Variants in SPOP observed in about 807,000 individuals in gnomAD.
The protein encoded by SPOP is speckle type BTB/POZ protein, also known as speckle-type POZ protein.
SPOP carries 11 observed loss-of-function variants against 45.6 expected under a neutral mutation model. The ratio of observed to expected loss-of-function variants is 0.24; its 90% CI spans 0.15 to 0.40. The LOEUF (loss-of-function observed/expected upper bound fraction) is 0.40, where lower values mean the gene tolerates loss of function less well. Ranked by LOEUF, SPOP falls within the 10% of genes least tolerant of loss-of-function variation. The pLI is 1.00. For synonymous variants in SPOP, 166 were observed against 166.3 expected (o/e 1.00, Z 0.01); for missense variants, 152 against 465.6 (o/e 0.33, Z 6.20).
intron 1 of SPOP, among the ~76,000 whole-genome samples, chr17:49,671,984 C>CA (rs201598109): frequency 0.01 from 1,526 of 152,142 alleles, 9 homozygotes; most frequent in Admixed American, 0.012. Flanking sequence ...ACTAAAAATA[C>CA]AAAAAATTAG....
At chr17:49,606,904 C>T (rs1042112183) in intron 8 of SPOP, among the ~76,000 whole-genome samples, 2 of 152,126 alleles carry the variant, frequency 1.3e-5, no homozygotes, top group Admixed American at 6.5e-5. Context: ...AACTCAAAAA[C>T]ATTTTGTAAA....
In SPOP at chr17:49,614,158, A is replaced by G. The variant is rs2072033641; in HGVS notation, c.481-2701T>C. Among the ~76,000 whole-genome samples the G allele has an allele frequency of 2.0e-5, 3 of 152,266 alleles. No individual in the cohort carries two copies. In the East Asian group the frequency reaches 5.8e-4, roughly 29 times the overall value. On this transcript the variant is annotated intron_variant, in intron 5 of 9. Coordinates refer to ENST00000504102, the MANE Select transcript of SPOP (RefSeq NM_001007228.2). ...GGGAAATACATTTTTTAACTTCTAT[A>G]TAATTAAAACAATCTAGGAAAAACA...
chr17:49,665,642 A>G (rs1472788303), intron 1 of SPOP, among the ~76,000 whole-genome samples: 2 of 124,436 alleles, frequency 1.6e-5, no homozygotes, highest in Non-Finnish European at 3.2e-5. Context: ...GATTATATAT[A>G]TATACAGACA....
intron 1 of SPOP, among the ~76,000 whole-genome samples, chr17:49,634,016 T>TAAA (rs1189334651): frequency 2.7e-4 from 36 of 132,994 alleles, no homozygotes; most frequent in African/African-American, 9.6e-4. Context: ...TCCAGCTGCT[T>TAAA]AAAAAAAAAA....
At chr17:49,651,930 A>C (rs1303052518) in intron 1 of SPOP, among the ~76,000 whole-genome samples, 1 of 152,046 alleles carries the variant, frequency 6.6e-6, no homozygotes, top group East Asian at 1.9e-4. Context: ...GAGGCATGAA[A>C]ATTGCCTGAA....
chr17:49,666,493 A>ACACACC (rs1491137169), intron 1 of SPOP, among the ~76,000 whole-genome samples: 6 of 142,132 alleles, frequency 4.2e-5, no homozygotes, highest in South Asian at 4.7e-4. Context: ...ACACACACAC[A>ACACACC]CCCATATAGG....
chr17:49,669,563 G>A (rs911704786), intron 1 of SPOP, among the ~76,000 whole-genome samples: 1 of 148,146 alleles, frequency 6.8e-6, no homozygotes, highest in Non-Finnish European at 1.5e-5. Flanking sequence ...TCAGGAGATC[G>A]AGACCATCCT....
chr17:49,659,668 C>G (rs941208591), intron 1 of SPOP, among the ~76,000 whole-genome samples: 1 of 152,336 alleles, frequency 6.6e-6, no homozygotes, highest in South Asian at 2.1e-4. Context: ...AGACCATCAA[C>G]AAGCGGATGA....
In SPOP at chr17:49,618,990, G is replaced by A. The variant is rs754476215; in HGVS notation, c.471C>T (p.Leu157=). The A allele has an allele frequency of 2.5e-6, 4 of 1,613,330 alleles. No individual in the cohort carries two copies. In the South Asian group the frequency reaches 3.3e-5, roughly 13 times the overall value. Residue 157 remains leucine, a synonymous_variant, in exon 5 of 10, where the codon CTC becomes CTT. Coordinates refer to ENST00000504102, the MANE Select transcript of SPOP (RefSeq NM_001007228.2). ...NGLLPDDKLT[L]FCEVSVVQDS... is the part of the protein sequence containing the mutation. Reference sequence around the variant, plus strand: ...GAATACAAGGACTCACCTCGCAGAAGAGGGTAAGCTTGTCATCAGGGAGAA... The same window carrying A: ...GAATACAAGGACTCACCTCGCAGAAAAGGGTAAGCTTGTCATCAGGGAGAA...
intron 1 of SPOP, among the ~76,000 whole-genome samples, chr17:49,655,991 T>C (rs2072908139): frequency 6.6e-6 from 1 of 152,106 alleles, no homozygotes; most frequent in Admixed American, 6.6e-5. Flanking sequence ...TTTGTATTTT[T>C]AGTAGAGACG....
In SPOP at chr17:49,642,227, G is replaced by C. The variant is rs1000336327; in HGVS notation, c.-66-19351C>G. 5.3e-5 allele frequency among the ~76,000 whole-genome samples: 8 copies of C among 151,818 alleles called. 1 individual carries two copies. The highest frequency in any genetic ancestry group is 1.7e-4 in the African/African-American group (7 of 41,378). ...AAAGTGAGCACATTTTACTTTTATA[G>C]TCAGAAAAAAAAGGTTTTTAAAAGA... On this transcript the variant is annotated intron_variant, in intron 1 of 9. Transcript: ENST00000504102.
chr17:49,602,044 A>G, intron 8 of SPOP, 37 bp from the exon 9 acceptor site: 12 of 1,611,450 alleles, frequency 7.4e-6, no homozygotes, highest in Non-Finnish European at 9.3e-6. Context: ...CAGAGCAGCA[A>G]TAGTTCTGGG....
At chr17:49,635,780 C>T (rs552263456) in intron 1 of SPOP, among the ~76,000 whole-genome samples, 7 of 151,382 alleles carry the variant, frequency 4.6e-5, no homozygotes, top group South Asian at 2.1e-4. Context: ...GATTCAGGCA[C>T]GTGCCACCAT....
At chr17:49,650,924 G>A (rs771522431) in intron 1 of SPOP, among the ~76,000 whole-genome samples, 1 of 152,202 alleles carries the variant, frequency 6.6e-6, no homozygotes, top group Non-Finnish European at 1.5e-5. Flanking sequence ...ATAATATCCA[G>A]TCAAATTATT....
intron 5 of SPOP, among the ~76,000 whole-genome samples, chr17:49,613,742 T>C (rs1302828873): frequency 2.0e-5 from 3 of 152,348 alleles, no homozygotes; most frequent in Admixed American, 1.3e-4. Flanking sequence ...TTAAATACGC[T>C]TAATTAAAAA....
intron 1 of SPOP, among the ~76,000 whole-genome samples, chr17:49,666,790 T>C (rs1452314108): frequency 1.3e-5 from 2 of 151,940 alleles, no homozygotes; most frequent in South Asian, 2.1e-4. Flanking sequence ...ATCGCACCAC[T>C]GCAACTCCAG....
At chr17:49,668,744 T>C (rs746447829) in intron 1 of SPOP, among the ~76,000 whole-genome samples, 10 of 151,716 alleles carry the variant, frequency 6.6e-5, no homozygotes, top group Non-Finnish European at 7.4e-5. Context: ...GACATATATA[T>C]AGACATATAT....
chr17:49,627,891 C>A (rs975459244), intron 1 of SPOP, among the ~76,000 whole-genome samples: 1 of 152,190 alleles, frequency 6.6e-6, no homozygotes, highest in Non-Finnish European at 1.5e-5. Flanking sequence ...CTGAGGAGCT[C>A]TTAACCAAAC....
chr17:49,600,628 A>G lies in SPOP; in HGVS notation c.981-106T>C. 7.9e-7 allele frequency: 1 copy of G among 1,266,902 alleles called. No homozygotes were observed. The highest frequency in any genetic ancestry group is 1.3e-5 in the South Asian group (1 of 76,234). The allele number at this position is 1,266,902 out of a possible 1,614,324, so 78.5% of individuals were successfully genotyped here. A position where few individuals can be genotyped will look rare whatever the true frequency, so the allele number is the denominator to read the frequency against. On this transcript the variant is annotated intron_variant, in intron 9 of 9. Coordinates refer to ENST00000504102, the MANE Select transcript of SPOP (RefSeq NM_001007228.2). This position sits in a 1 kb window ranked among gnomAD's most constrained non-coding sequence, Gnocchi z 4.2. ...TCCACTGTTAGGTATAAAGGGTGTC[A>G]ATGCAAGAAACAGAAGAACCCTTAA...
Sources: allele counts gnomAD v4.1 joint callset (sites outside exome capture counted in the v4.1 genomes callset), GRCh38; gene constraint gnomAD v4.1.1; non-coding constraint Gnocchi (gnomAD v3.1); transcripts MANE v1.5; gene names NCBI Gene and HGNC (gene_info 2026-07-23, HGNC 2026-07-21).